Variants in NOL10 observed in about 807,000 individuals in gnomAD.
NOL10 encodes H_NH0074G24.1.
Under a neutral mutation model 103.5 loss-of-function variants are expected in NOL10, and 58 were observed. That is an observed-to-expected ratio of 0.56 (90% CI 0.45 to 0.70). The LOEUF is 0.70. Ranked by LOEUF, NOL10 falls within the 30% of genes least tolerant of loss-of-function variation. NOL10 has a pLI of 0.00. For synonymous variants in NOL10, 287 were observed against 282.5 expected (o/e 1.02, Z -0.16); for missense variants, 763 against 807.3 (o/e 0.95, Z 0.67).
intron 17 of NOL10, among the ~76,000 whole-genome samples, chr2:10,596,377 A>G (rs1314182158): frequency 1.3e-5 from 2 of 152,086 alleles, no homozygotes; most frequent in African/African-American, 4.8e-5. Flanking sequence ...ACAACTCGCC[A>G]TAATATAAAA....
chr2:10,605,994 T>C (rs1676234242), intron 14 of NOL10, among the ~76,000 whole-genome samples: 1 of 152,154 alleles, frequency 6.6e-6, no homozygotes, highest in African/African-American at 2.4e-5. Context: ...TGCCTTGCCT[T>C]GTATAAAATG....
intron 3 of NOL10, among the ~76,000 whole-genome samples, chr2:10,679,242 C>T (rs983903671): frequency 6.6e-6 from 1 of 151,688 alleles, no homozygotes; most frequent in African/African-American, 2.4e-5. Flanking sequence ...GCCTGTAATC[C>T]CAGCTACTCA....
intron 13 of NOL10, among the ~76,000 whole-genome samples, chr2:10,615,976 GACATCAA>G (rs1676812139): frequency 6.6e-6 from 1 of 152,124 alleles, no homozygotes; most frequent in Admixed American, 6.5e-5. Context: ...TGGCAGTCTA[GACATCAA>G]ACTGTGGGAC....
At position 10,571,905 on chromosome 2, in the gene NOL10, A is replaced by G. The variant is rs376939867; in HGVS notation, c.*166T>C. ...GGTGGCCGTCGGCGGGGCCAGCTTC[A>G]AAGTCCAACCCACAAGGCACAGGTT... On this transcript the variant is annotated 3_prime_UTR_variant, in exon 21 of 21. Coordinates refer to ENST00000381685, the MANE Select transcript of NOL10 (RefSeq NM_024894.4). The G allele has an allele frequency of 1.1e-5, 9 of 802,774 alleles. No individual in the cohort carries two copies. The South Asian group carries it at 1.9e-4, about 17-fold the overall frequency. 49.7% of individuals were successfully genotyped at this position (802,774 alleles called of 1,614,324 possible). A position where few individuals can be genotyped will look rare whatever the true frequency, so the allele number is the denominator to read the frequency against.
chr2:10,573,063 C>CAAA (rs113673930), intron 20 of NOL10, among the ~76,000 whole-genome samples: 2,501 of 145,650 alleles, frequency 0.017, 37 homozygotes, highest in East Asian at 0.068. Flanking sequence ...AGGTAAAGCT[C>CAAA]AAAAAAAAAA....
At chr2:10,622,012 T>G (rs1572310050) in intron 13 of NOL10, 1 of 467,362 alleles carries the variant, frequency 2.1e-6, no homozygotes, top group Non-Finnish European at 4.4e-6. Context: ...GATGCAGTAC[T>G]CACATTTCAA....
intron 3 of NOL10, among the ~76,000 whole-genome samples, chr2:10,677,497 G>A (rs1385721493): frequency 6.7e-6 from 1 of 150,002 alleles, no homozygotes; most frequent in Non-Finnish European, 1.5e-5. Flanking sequence ...TTGAAATGGG[G>A]TCTCACTCTG....
At chr2:10,592,216 A>G (rs1572250284) in intron 17 of NOL10, among the ~76,000 whole-genome samples, 1 of 152,240 alleles carries the variant, frequency 6.6e-6, no homozygotes, top group East Asian at 1.9e-4. Context: ...GTTCTAAATT[A>G]GAATTGACAG....
At chr2:10,582,794 C>A (rs540855698) in intron 19 of NOL10, among the ~76,000 whole-genome samples, 142 of 152,340 alleles carry the variant, frequency 9.3e-4, no homozygotes, top group Admixed American at 1.8e-3. Flanking sequence ...TTACTACCCA[C>A]TTTCTGTGGC....
At chr2:10,632,783 CATTT>C (rs1677930760) in intron 13 of NOL10, among the ~76,000 whole-genome samples, 1 of 152,060 alleles carries the variant, frequency 6.6e-6, no homozygotes, top group African/African-American at 2.4e-5. Context: ...CTGGTTCCCT[CATTT>C]AATTTACAGG....
chr2:10,670,351 A>T (rs1189194143), intron 6 of NOL10, among the ~76,000 whole-genome samples: 1 of 152,180 alleles, frequency 6.6e-6, no homozygotes, highest in Non-Finnish European at 1.5e-5. Context: ...ATTGTACTGA[A>T]TTTTTGCCTA....
intron 1 of NOL10, among the ~76,000 whole-genome samples, chr2:10,686,999 A>T (rs1572457212): frequency 6.6e-6 from 1 of 152,258 alleles, no homozygotes; most frequent in East Asian, 1.9e-4. Context: ...ATAGTTATCG[A>T]TATGCAGATG....
At chr2:10,638,838 C>A (rs1243692580) in intron 13 of NOL10, among the ~76,000 whole-genome samples, 1 of 99,634 alleles carries the variant, frequency 1.0e-5, no homozygotes, top group African/African-American at 4.1e-5. Flanking sequence ...ATTCTTGCTC[C>A]GTTGCCCAGG....
At chr2:10,662,608 CACTT>C (rs1013401278) in intron 9 of NOL10, among the ~76,000 whole-genome samples, 1 of 151,258 alleles carries the variant, frequency 6.6e-6, no homozygotes, top group African/African-American at 2.4e-5. Context: ...ATTAAAAAAA[CACTT>C]GCTTCCTTCC....
At chr2:10,602,037 G>GC (rs1466005072) in intron 16 of NOL10, among the ~76,000 whole-genome samples, 1 of 152,216 alleles carries the variant, frequency 6.6e-6, no homozygotes, top group African/African-American at 2.4e-5. Context: ...GTCTACACTG[G>GC]CATCACACAA....
chr2:10,663,951 C>CAA (rs76582435), intron 8 of NOL10, among the ~76,000 whole-genome samples: 4 of 117,220 alleles, frequency 3.4e-5, no homozygotes, highest in East Asian at 2.4e-4. Context: ...ACTCCGTCTC[C>CAA]AAAAAAAAAA....
chr2:10,642,528 C>T (rs71439021), intron 13 of NOL10, among the ~76,000 whole-genome samples: 4 of 152,260 alleles, frequency 2.6e-5, no homozygotes, highest in South Asian at 2.1e-4. Context: ...TCCCCACAGC[C>T]GGCTCACAAG....
Position 10,667,285 on chromosome 2 carries a change from C to T in NOL10, c.531-7G>A, listed in dbSNP as rs1289944135. 6.4e-7 allele frequency: 1 copy of T among 1,571,526 alleles called. No individual in the cohort carries two copies. The highest frequency in any genetic ancestry group is 1.2e-5 in the South Asian group (1 of 85,588). On this transcript the variant is annotated splice_region_variant and splice_polypyrimidine_tract_variant and intron_variant, in intron 7 of 20. Coordinates refer to ENST00000381685, the MANE Select transcript of NOL10 (RefSeq NM_024894.4). ...GTCACAAACATTATTCTCCCTAACA[C>T]AGGAAAGCAGTAAGAAAGAATGAAT...
intron 20 of NOL10, among the ~76,000 whole-genome samples, chr2:10,577,141 G>T (rs1415600234): frequency 6.6e-6 from 1 of 152,200 alleles, no homozygotes; most frequent in Non-Finnish European, 1.5e-5. Context: ...GGGCAGAGTA[G>T]TCTGTCTTCT....
Sources: gnomAD v4.1 joint callset for allele counts (sites outside exome capture counted in the v4.1 genomes callset) on GRCh38, gnomAD v4.1.1 for gene constraint, MANE v1.5 for transcripts, NCBI Gene and HGNC (gene_info 2026-07-23, HGNC 2026-07-21) for gene names.